The following CHSY3 variants were observed in gnomAD, a reference collection of about 807,000 sequenced individuals.
The protein encoded by CHSY3 is chondroitin sulfate synthase 3.
A neutral mutation model predicts 67.2 loss-of-function variants in CHSY3; 35 were observed. That is an observed-to-expected ratio of 0.52 (90% CI 0.40 to 0.69). The LOEUF is 0.69. CHSY3 is among the 30% of genes least tolerant of loss of function. CHSY3 has a pLI of 0.00. For missense variants in CHSY3, 1,069 were observed against 1,138.5 expected, an observed-to-expected ratio of 0.94 and a Z score of 0.88; for synonymous variants, 474 against 434.7, an observed-to-expected ratio of 1.09 and a Z score of -1.12.
chr5:129,922,131 T>C (rs1456833066), intron 2 of CHSY3, among the ~76,000 whole-genome samples: 1 of 152,234 alleles, frequency 6.6e-6, no homozygotes, highest in African/African-American at 2.4e-5. Flanking sequence ...TAATGCCCTC[T>C]TGTTCTATCC....
At chr5:130,134,074 T>C (rs1768580690) in intron 2 of CHSY3, among the ~76,000 whole-genome samples, 1 of 152,236 alleles carries the variant, frequency 6.6e-6, no homozygotes, top group Non-Finnish European at 1.5e-5. Context: ...TGGTGAGATA[T>C]GTTTGCCTTG....
chr5:130,119,971 C>T (rs1205435277), intron 2 of CHSY3, among the ~76,000 whole-genome samples: 1 of 152,196 alleles, frequency 6.6e-6, no homozygotes, highest in South Asian at 2.1e-4. Context: ...GTGTCTGCTT[C>T]TTTTTCCTTT....
chr5:130,079,290 T>G (rs1221562281), intron 2 of CHSY3, among the ~76,000 whole-genome samples: 12 of 152,112 alleles, frequency 7.9e-5, no homozygotes, highest in Admixed American at 7.9e-4. Flanking sequence ...CTCTTCTACG[T>G]AGAACATTTC....
intron 2 of CHSY3, among the ~76,000 whole-genome samples, chr5:130,111,094 G>A (rs1767579477): frequency 6.6e-6 from 1 of 152,054 alleles, no homozygotes. Flanking sequence ...AATGCTGCCT[G>A]TAGGCTAGGC....
intron 2 of CHSY3, among the ~76,000 whole-genome samples, chr5:130,035,598 A>T (rs1332959498): frequency 6.6e-6 from 1 of 152,146 alleles, no homozygotes; most frequent in Non-Finnish European, 1.5e-5. Flanking sequence ...ATGCCTCAAG[A>T]TACGGGAAGC....
At chr5:130,032,462 A>G (rs751127398) in intron 2 of CHSY3, among the ~76,000 whole-genome samples, 9 of 152,102 alleles carry the variant, frequency 5.9e-5, no homozygotes. Flanking sequence ...CCTCAGAAGA[A>G]TCCCACTGTG....
intron 2 of CHSY3, among the ~76,000 whole-genome samples, chr5:130,067,722 A>G (rs1580701449): frequency 1.3e-5 from 2 of 152,128 alleles, no homozygotes; most frequent in South Asian, 4.1e-4. Context: ...AGGAATGTTT[A>G]GGGTAGAGTT....
At chr5:130,007,577 A>G (rs1357062439) in intron 2 of CHSY3, among the ~76,000 whole-genome samples, 2 of 152,212 alleles carry the variant, frequency 1.3e-5, no homozygotes, top group Admixed American at 1.3e-4. Context: ...ACAGACCTCC[A>G]GAATCCTAGC....
chr5:129,973,789 C>A (rs1259168068), intron 2 of CHSY3, among the ~76,000 whole-genome samples: 1 of 152,096 alleles, frequency 6.6e-6, no homozygotes, highest in Non-Finnish European at 1.5e-5. Flanking sequence ...TTGGAGAAGT[C>A]ACTTTTAGTC....
In CHSY3 at chr5:130,014,183, G is replaced by C. The variant is rs541616667; in HGVS notation, c.1086+105823G>C. Among the ~76,000 whole-genome samples, 7 of 152,268 alleles carry C rather than the reference G, an allele frequency of 4.6e-5. 1 individual carries two copies. In the South Asian group the frequency reaches 1.0e-3, roughly 23 times the overall value. ...AAGCCATTCAAAAAGTGTCTAGGAAGTTCCAACTGTCCCACATTTTTCTGT... is the reference window on the plus strand; with the variant it reads ...AAGCCATTCAAAAAGTGTCTAGGAACTTCCAACTGTCCCACATTTTTCTGT... On this transcript the variant is annotated intron_variant, in intron 2 of 2. Transcript: ENST00000305031.
At chr5:130,179,488 T>G (rs1770181470) in intron 2 of CHSY3, among the ~76,000 whole-genome samples, 1 of 152,116 alleles carries the variant, frequency 6.6e-6, no homozygotes, top group Non-Finnish European at 1.5e-5. Flanking sequence ...AGTGCCTATT[T>G]TTTTCTGATT....
intron 2 of CHSY3, among the ~76,000 whole-genome samples, chr5:130,040,042 T>G (rs572735013): frequency 1.3e-5 from 2 of 152,126 alleles, no homozygotes; most frequent in Non-Finnish European, 2.9e-5. Context: ...ATGGGGAACG[T>G]GAAGGGTGTG....
intron 2 of CHSY3, among the ~76,000 whole-genome samples, chr5:130,169,805 G>C (rs927403260): frequency 6.6e-6 from 1 of 151,888 alleles, no homozygotes; most frequent in African/African-American, 2.4e-5. Flanking sequence ...TGAAACATAT[G>C]AATTAGAAAG....
At chr5:129,981,708 G>A (rs577821442) in intron 2 of CHSY3, among the ~76,000 whole-genome samples, 4 of 152,020 alleles carry the variant, frequency 2.6e-5, no homozygotes, top group Admixed American at 6.5e-5. Context: ...TTATTTTCTT[G>A]TCTTCTTGTC....
chr5:130,093,641 A>T (rs1189553805), intron 2 of CHSY3, among the ~76,000 whole-genome samples: 1 of 152,156 alleles, frequency 6.6e-6, no homozygotes, highest in African/African-American at 2.4e-5. Flanking sequence ...CTGATGAATG[A>T]TGTAGTCGGT....
At chr5:130,149,458 C>T (rs143386807) in intron 2 of CHSY3, among the ~76,000 whole-genome samples, 3 of 152,158 alleles carry the variant, frequency 2.0e-5, no homozygotes, top group African/African-American at 4.8e-5. Flanking sequence ...CGGGAGGTGC[C>T]ACACACTTTA....
chr5:130,156,258 G>A (rs1023527272), intron 2 of CHSY3, among the ~76,000 whole-genome samples: 7 of 152,280 alleles, frequency 4.6e-5, no homozygotes, highest in Non-Finnish European at 8.8e-5. Flanking sequence ...CTTCAAAATA[G>A]AATGAGAGAG....
At chr5:130,029,206 C>A (rs868486678) in intron 2 of CHSY3, among the ~76,000 whole-genome samples, 3 of 152,136 alleles carry the variant, frequency 2.0e-5, no homozygotes, top group African/African-American at 7.2e-5. Context: ...CTACCCAAGT[C>A]TCTTGGACTC....
In CHSY3 at chr5:130,137,603, A is replaced by T. The variant is rs546727965; in HGVS notation, c.1087-46626A>T. Among the ~76,000 whole-genome samples the T allele has an allele frequency of 2.6e-5, 4 of 152,308 alleles. No individual in the cohort carries two copies. The East Asian group carries it at 7.7e-4, about 29-fold the overall frequency. On this transcript the variant is annotated intron_variant, in intron 2 of 2. Coordinates refer to ENST00000305031, the MANE Select transcript of CHSY3 (RefSeq NM_175856.5). ...CTCTTTCATTAAAACATATACTCTC[A>T]TTTATTTATTAACATGTATCTAGGT...
Sources: gnomAD v4.1 joint callset for allele counts (sites outside exome capture counted in the v4.1 genomes callset) on GRCh38, gnomAD v4.1.1 for gene constraint, MANE v1.5 for transcripts, NCBI Gene and HGNC (gene_info 2026-07-23, HGNC 2026-07-21) for gene names.